Variants in CCDC148 observed in about 807,000 individuals in gnomAD.
CCDC148 encodes the protein coiled-coil domain-containing protein 148.
In CCDC148, 89 loss-of-function variants were observed where a neutral mutation model predicts 85.7. The observed-to-expected ratio is 1.04, with a 90% CI of 0.87 to 1.24. CCDC148 has a LOEUF of 1.24. CCDC148 is among the 50% of genes most tolerant of loss of function. CCDC148 has a pLI of 0.00. For synonymous variants in CCDC148, 230 were observed against 213.9 expected (o/e 1.08, Z -0.66); for missense variants, 692 against 671.7 (o/e 1.03, Z -0.33).
At chr2:158,252,707 T>C (rs34759639) in intron 9 of CCDC148, among the ~76,000 whole-genome samples, 3,658 of 151,734 alleles carry the variant, frequency 0.024, 64 homozygotes, top group Non-Finnish European at 0.037. Context: ...ATCCAAACCC[T>C]ACATTATCCT....
chr2:158,294,038 TTCCTTCCTTCCTTCCTTC>T (rs1691045390), intron 9 of CCDC148, among the ~76,000 whole-genome samples: 1 of 93,864 alleles, frequency 1.1e-5, no homozygotes, highest in Non-Finnish European at 2.0e-5. Context: ...CCTTCCTTCC[TTCCTTCCTTCCTTCCTTC>T]CTTCCTTCCG....
rs1247883416 is a variant in CCDC148 at position 158,172,081 on chromosome 2, T to C, written c.*32A>G. Reference sequence around the variant, plus strand: ...CCATATACATGTTTTCAAAGAAAAATGCTCTTTACATATAGAATTTGAGGA... The same window carrying C: ...CCATATACATGTTTTCAAAGAAAAACGCTCTTTACATATAGAATTTGAGGA... On this transcript the variant is annotated 3_prime_UTR_variant, in exon 14 of 14. Coordinates refer to ENST00000283233, the MANE Select transcript of CCDC148 (RefSeq NM_138803.4). The C allele has an allele frequency of 6.8e-7, 1 of 1,478,896 alleles. No homozygotes were observed. The highest frequency in any genetic ancestry group is 9.1e-7 in the Non-Finnish European group (1 of 1,093,812). The allele number at this position is 1,478,896 out of a possible 1,614,324, so 91.6% of individuals were successfully genotyped here.
At chr2:158,294,719 G>A (rs896008111) in intron 9 of CCDC148, among the ~76,000 whole-genome samples, 1 of 151,676 alleles carries the variant, frequency 6.6e-6, no homozygotes, top group Non-Finnish European at 1.5e-5. Flanking sequence ...AGCCATGCAG[G>A]AGGCTGAGGC....
intron 9 of CCDC148, among the ~76,000 whole-genome samples, chr2:158,260,988 T>A (rs1196250118): frequency 1.4e-5 from 2 of 144,840 alleles, no homozygotes; most frequent in African/African-American, 2.5e-5. Context: ...CTACCAATGA[T>A]ATGCTTCACA....
At chr2:158,269,730 G>T (rs1689620661) in intron 9 of CCDC148, among the ~76,000 whole-genome samples, 1 of 152,102 alleles carries the variant, frequency 6.6e-6, no homozygotes, top group South Asian at 2.1e-4. Flanking sequence ...ACAAAATAAT[G>T]CATCCTTGGA....
At chr2:158,172,875 T>C (rs529136157) in intron 13 of CCDC148, among the ~76,000 whole-genome samples, 1 of 152,132 alleles carries the variant, frequency 6.6e-6, no homozygotes, top group East Asian at 1.9e-4. Context: ...CTCCTATGAA[T>C]ATTAAATGTC....
chr2:158,371,025 T>G (rs1684415530), intron 1 of CCDC148, among the ~76,000 whole-genome samples: 1 of 151,960 alleles, frequency 6.6e-6, no homozygotes, highest in Non-Finnish European at 1.5e-5. Context: ...ATTTCTAAAT[T>G]TTTCTTATTT....
intron 9 of CCDC148, among the ~76,000 whole-genome samples, chr2:158,276,839 A>T (rs1197781167): frequency 1.3e-5 from 2 of 152,236 alleles, no homozygotes; most frequent in Non-Finnish European, 2.9e-5. Context: ...GTGATTTTAA[A>T]TGTCACACAT....
intron 10 of CCDC148, among the ~76,000 whole-genome samples, chr2:158,232,208 G>A (rs1687888310): frequency 6.6e-6 from 1 of 152,018 alleles, no homozygotes; most frequent in African/African-American, 2.4e-5. Context: ...GAATGCAAGA[G>A]GTTTATTTTC....
At chr2:158,366,940 A>T (rs74580363) in intron 1 of CCDC148, among the ~76,000 whole-genome samples, 1 of 152,180 alleles carries the variant, frequency 6.6e-6, no homozygotes, top group African/African-American at 2.4e-5. Flanking sequence ...TCTTAAAAGG[A>T]GGAGAAGATA....
At chr2:158,243,960 A>C (rs567750534) in intron 10 of CCDC148, among the ~76,000 whole-genome samples, 15 of 152,142 alleles carry the variant, frequency 9.9e-5, no homozygotes, top group Admixed American at 9.8e-4. Context: ...TTTCCATCTA[A>C]CTGCAGGACA....
At chr2:158,431,171 T>C (rs1687330540) in intron 1 of CCDC148, among the ~76,000 whole-genome samples, 1 of 151,096 alleles carries the variant, frequency 6.6e-6, no homozygotes, top group Non-Finnish European at 1.5e-5. Flanking sequence ...ATTTAAAAAA[T>C]AAAAGTCAAA....
intron 2 of CCDC148, among the ~76,000 whole-genome samples, chr2:158,357,404 T>C (rs562310893): frequency 6.6e-6 from 1 of 152,268 alleles, no homozygotes; most frequent in East Asian, 1.9e-4. Context: ...GATTATGTGA[T>C]AGACTATTAG....
intron 10 of CCDC148, among the ~76,000 whole-genome samples, chr2:158,222,302 T>C (rs1687226703): frequency 6.6e-6 from 1 of 152,152 alleles, no homozygotes; most frequent in Admixed American, 6.5e-5. Context: ...CATCCTCAGA[T>C]TTCTGACACC....
intron 13 of CCDC148, among the ~76,000 whole-genome samples, chr2:158,174,765 G>C (rs1051816577): frequency 6.6e-6 from 1 of 151,966 alleles, no homozygotes; most frequent in African/African-American, 2.4e-5. Context: ...AAGTACTTGT[G>C]AAACTAAACA....
At position 158,438,072 on chromosome 2, in the gene CCDC148, G is replaced by T. The variant is rs188850364; in HGVS notation, c.25+18343C>A. Among the ~76,000 whole-genome samples the T allele has an allele frequency of 4.3e-3, 659 of 152,192 alleles. 12 individuals carry two copies. The highest frequency in any genetic ancestry group is 7.1e-3 in the East Asian group (37 of 5,188). Reference sequence around the variant, plus strand: ...GCCCAAGGTAATTTATAGATTCAATGCCATCCCCATCAAGCTACCAATGAC... The same window carrying T: ...GCCCAAGGTAATTTATAGATTCAATTCCATCCCCATCAAGCTACCAATGAC... On this transcript the variant is annotated intron_variant, in intron 1 of 13. Coordinates refer to ENST00000283233, the MANE Select transcript of CCDC148 (RefSeq NM_138803.4).
At chr2:158,175,064 C>T (rs1684509754) in intron 13 of CCDC148, among the ~76,000 whole-genome samples, 1 of 152,010 alleles carries the variant, frequency 6.6e-6, no homozygotes, top group Admixed American at 6.6e-5. Flanking sequence ...AGTCTCCTCT[C>T]CCAGCACTTG....
intron 11 of CCDC148, among the ~76,000 whole-genome samples, chr2:158,191,505 T>A (rs184360822): frequency 1.3e-5 from 2 of 152,134 alleles, no homozygotes; most frequent in East Asian, 3.9e-4. Flanking sequence ...GGTTTTTTCT[T>A]CTACTTTTTA....
chr2:158,367,683 C>A (rs1158448645), intron 1 of CCDC148, among the ~76,000 whole-genome samples: 1 of 152,072 alleles, frequency 6.6e-6, no homozygotes, highest in Non-Finnish European at 1.5e-5. Context: ...AAAGTTGTAG[C>A]CAAATCTGTC....
Sources: allele counts gnomAD v4.1 joint callset (sites outside exome capture counted in the v4.1 genomes callset), GRCh38; gene constraint gnomAD v4.1.1; transcripts MANE v1.5; gene names NCBI Gene and HGNC (gene_info 2026-07-23, HGNC 2026-07-21).